The following ACSL1 variants were observed in gnomAD, a reference collection of about 807,000 sequenced individuals.
The protein encoded by ACSL1 is long-chain-fatty-acid--CoA ligase 1.
In ACSL1, 41 loss-of-function variants were observed where a neutral mutation model predicts 98.4. The ratio of observed to expected loss-of-function variants is 0.42; its 90% CI spans 0.32 to 0.54. ACSL1 has a LOEUF of 0.54. Among genes scored for constraint, ACSL1 ranks in the 20% least tolerant of loss-of-function variants. ACSL1 has a pLI of 0.13. For missense variants in ACSL1, 734 were observed against 883.1 expected (o/e 0.83, Z 2.14); for synonymous variants, 316 against 322.7 (o/e 0.98, Z 0.22).
upstream of ACSL1, chr4:184,826,006 TGGCGCCGCC>T (rs1314704112): frequency 1.4e-5 from 2 of 147,066 alleles, no homozygotes; most frequent in Non-Finnish European, 3.0e-5. Flanking sequence ...AAGGCGCCGC[TGGCGCCGCC>T]GCCTCGGCCC....
At chr4:184,806,942 T>C (rs1399174676) in intron 1 of ACSL1, among the ~76,000 whole-genome samples, 2 of 152,180 alleles carry the variant, frequency 1.3e-5, no homozygotes, top group Non-Finnish European at 2.9e-5. Context: ...ACTAAGACAA[T>C]AGCTCATTTA....
chr4:184,768,257 C>T, intron 12 of ACSL1, 59 bp downstream of exon 12: 1 of 1,555,228 alleles, frequency 6.4e-7, no homozygotes, highest in African/African-American at 1.4e-5. Context: ...CCAATTCAAG[C>T]CCAAGCCCCT....
At position 184,763,995 on chromosome 4, in the gene ACSL1, T is replaced by C. The variant is rs1763219272; in HGVS notation, c.1433-740A>G. ...CCATAAAGAAGATTCACAGACTGTC[T>C]GCGTTAATTCCAGGACAATGATGTT... On this transcript the variant is annotated intron_variant, in intron 15 of 20. Transcript: ENST00000281455. Among the ~76,000 whole-genome samples the C allele has an allele frequency of 2.0e-5, 3 of 152,230 alleles. No individual in the cohort carries two copies. The South Asian group carries it at 6.2e-4, about 32-fold the overall frequency.
chr4:184,825,597 C>T lies in ACSL1; in HGVS notation c.-33+319G>A, dbSNP rs1773414500. Among the ~76,000 whole-genome samples, 1 of 151,160 alleles carries T rather than the reference C, an allele frequency of 6.6e-6. No individual in the cohort carries two copies. Among genetic ancestry groups the T allele is most frequent in the African/African-American group, 2.4e-5 (1 of 41,340 alleles). On this transcript the variant is annotated intron_variant, in intron 1 of 20. Transcript: ENST00000281455. This position sits in a 1 kb window ranked among gnomAD's most constrained non-coding sequence, Gnocchi z 4.7. ...CCGGCTGCTTCGCCGGGCCGGTCCCCGCCGCCGCACACACAAGGGTCGGTC... is the reference window on the plus strand; with the variant it reads ...CCGGCTGCTTCGCCGGGCCGGTCCCTGCCGCCGCACACACAAGGGTCGGTC...
At chr4:184,801,753 T>C (rs1327747544) in intron 2 of ACSL1, among the ~76,000 whole-genome samples, 2 of 152,234 alleles carry the variant, frequency 1.3e-5, no homozygotes, top group African/African-American at 2.4e-5. Context: ...AGTAAAATTA[T>C]AGATTTTCAT....
rs756415532 is a variant in ACSL1 at position 184,765,984 on chromosome 4, C to A, written c.1266G>T (p.Ser422=). Residue 422 remains serine, a splice_region_variant and synonymous_variant, in exon 14 of 21, where the codon TCG becomes TCT. Coordinates refer to ENST00000281455, the MANE Select transcript of ACSL1 (RefSeq NM_001995.5). The stretch of plus-strand genomic sequence containing the variant: ...TCAGCCGGACTCTTCCGCCCAGGCT[C>A]GACTTTCAGGGAGGGAGAGTGGGAG... ...WDRLIFHKVQ[S]SLGGRVRLMV... 2 of 1,613,618 alleles carry A rather than the reference C, an allele frequency of 1.2e-6. No individual in the cohort carries two copies. Among genetic ancestry groups the A allele is most frequent in the South Asian group, 2.2e-5 (2 of 91,036 alleles).
chr4:184,762,795 G>A (rs1763038355), intron 16 of ACSL1, among the ~76,000 whole-genome samples: 1 of 152,214 alleles, frequency 6.6e-6, no homozygotes, highest in South Asian at 2.1e-4. Flanking sequence ...AGCCCCGCAG[G>A]GGATGAAATC....
Position 184,773,762 on chromosome 4 carries a change from A to G in ACSL1, c.790-48T>C, listed in dbSNP as rs1764859180. ...GCTGGTATAAATCAGAACAGAAAAGAGAACTATAAGCCACAAGGTACCAGG... is the reference window on the plus strand; with the variant it reads ...GCTGGTATAAATCAGAACAGAAAAGGGAACTATAAGCCACAAGGTACCAGG... On this transcript the variant is annotated intron_variant, in intron 8 of 20. Transcript: ENST00000281455. The surrounding 1 kb of genome is among the most constrained non-coding windows in gnomAD (Gnocchi z 4.3). 9 of 1,607,872 alleles carry G rather than the reference A, an allele frequency of 5.6e-6. No individual in the cohort carries two copies. Among genetic ancestry groups the G allele is most frequent in the Non-Finnish European group, 7.6e-6 (9 of 1,178,320 alleles).
chr4:184,757,178 G>A lies in ACSL1; in HGVS notation c.2044C>T (p.Arg682Trp), dbSNP rs534896186. The change falls in exon 21 of 21, where the codon CGG becomes TGG. Residue 682 changes from arginine to tryptophan, a missense_variant. Physicochemically the swap from Arg to Trp is moderately radical, Grantham distance 101. Coordinates refer to ENST00000281455, the MANE Select transcript of ACSL1 (RefSeq NM_001995.5). This position sits in a 1 kb window ranked among gnomAD's most constrained non-coding sequence, Gnocchi z 4.5. The stretch of plus-strand genomic sequence containing the variant: ...TCTATCTGCGACCTGAAATAGTTCC[G>A]CAGCTCTGGCCTTTTCGCCTTCATT... ...PTMKAKRPEL[R>W]NYFRSQIDDL... 22 of 1,609,314 alleles carry A rather than the reference G, an allele frequency of 1.4e-5. No homozygotes were observed. The highest frequency in any genetic ancestry group is 1.1e-4 in the African/African-American group (8 of 74,952).
In ACSL1 at chr4:184,756,857, T is replaced by C. The variant is rs966783303; in HGVS notation, c.*268A>G. ...TTAAACTGAGGAAGTCTCAAATAAC[T>C]TAGCACATTTATAGTATCCCCTTTA... On this transcript the variant is annotated 3_prime_UTR_variant, in exon 21 of 21. Coordinates refer to ENST00000281455, the MANE Select transcript of ACSL1 (RefSeq NM_001995.5). The C allele has an allele frequency of 6.8e-5, 21 of 307,938 alleles. No individual in the cohort carries two copies. Among genetic ancestry groups the C allele is most frequent in the Non-Finnish European group, 6.0e-6 (1 of 167,448 alleles). The allele number at this position is 307,938 out of a possible 1,614,324, so 19.1% of individuals were successfully genotyped here. A position where few individuals can be genotyped will look rare whatever the true frequency, so the allele number is the denominator to read the frequency against.
At chr4:184,818,133 C>T (rs1377477296) in intron 1 of ACSL1, among the ~76,000 whole-genome samples, 1 of 152,220 alleles carries the variant, frequency 6.6e-6, no homozygotes, top group African/African-American at 2.4e-5. Flanking sequence ...CGCCAGCTCC[C>T]CATCCTGGGA....
intron 2 of ACSL1, among the ~76,000 whole-genome samples, chr4:184,793,819 C>T (rs77795218): frequency 0.013 from 1,970 of 152,264 alleles, 59 homozygotes; most frequent in African/African-American, 0.046. Flanking sequence ...AAAAATGATT[C>T]CTTTTTGTTC....
In ACSL1 at chr4:184,759,306, G is replaced by T. The variant is rs374812631; in HGVS notation, c.1782+1051C>A. On this transcript the variant is annotated intron_variant, in intron 18 of 20. Transcript: ENST00000281455. Reference sequence around the variant, plus strand: ...GGGTCAAATGTCTAAAACATCAAAAGCAGTGGCAACAAAAGCCAAAATTGA... The same window carrying T: ...GGGTCAAATGTCTAAAACATCAAAATCAGTGGCAACAAAAGCCAAAATTGA... Among the ~76,000 whole-genome samples, 8 of 152,292 alleles carry T rather than the reference G, an allele frequency of 5.3e-5. No homozygotes were observed. In the East Asian group the frequency reaches 1.5e-3, roughly 29 times the overall value.
Position 184,803,563 on chromosome 4 carries a change from A to G in ACSL1, c.-32-17T>C. 7.1e-7 allele frequency: 1 copy of G among 1,410,762 alleles called. No individual in the cohort carries two copies. The highest frequency in any genetic ancestry group is 9.3e-7 in the Non-Finnish European group (1 of 1,072,382). 87.4% of individuals were successfully genotyped at this position (1,410,762 alleles called of 1,614,324 possible). On this transcript the variant is annotated splice_polypyrimidine_tract_variant and intron_variant, in intron 1 of 20. Transcript: ENST00000281455. The surrounding 1 kb of genome is among the most constrained non-coding windows in gnomAD (Gnocchi z 4.8). ...AGCTGAATTCTGTTGGGAGAGAAAAATGTCACGTTCGTTCCAGGGAAGCAG... is the reference window on the plus strand; with the variant it reads ...AGCTGAATTCTGTTGGGAGAGAAAAGTGTCACGTTCGTTCCAGGGAAGCAG...
chr4:184,826,362 C>T (rs947370896), upstream of ACSL1, among the ~76,000 whole-genome samples: 3 of 152,310 alleles, frequency 2.0e-5, no homozygotes, highest in Admixed American at 1.3e-4. Context: ...GGGCGGCGCC[C>T]TCCGGATCCT....
intron 7 of ACSL1, among the ~76,000 whole-genome samples, chr4:184,775,850 C>T (rs1213734909): frequency 2.6e-5 from 4 of 152,132 alleles, no homozygotes; most frequent in Admixed American, 6.5e-5. Context: ...GATCTTCCTC[C>T]GGCCATGTTC....
chr4:184,765,077 T>C (rs1763384279), intron 14 of ACSL1, 152 bp from the exon 15 acceptor site: 1 of 765,000 alleles, frequency 1.3e-6, no homozygotes, highest in South Asian at 1.9e-5. Flanking sequence ...CATTCAATGG[T>C]CCAGTGTGCT....
chr4:184,814,383 T>C (rs1275535616), intron 1 of ACSL1, among the ~76,000 whole-genome samples: 1 of 150,408 alleles, frequency 6.6e-6, no homozygotes, highest in South Asian at 2.1e-4. Context: ...TCCAAGACTA[T>C]GTAAGAGAAG....
intron 1 of ACSL1, among the ~76,000 whole-genome samples, chr4:184,816,686 A>G (rs1229846035): frequency 1.3e-5 from 2 of 152,144 alleles, no homozygotes; most frequent in African/African-American, 4.8e-5. Context: ...AGTAATGATC[A>G]ACGTTTTGCT....
Sources: gnomAD v4.1 joint callset for allele counts (sites outside exome capture counted in the v4.1 genomes callset) on GRCh38, gnomAD v4.1.1 for gene constraint, Gnocchi (gnomAD v3.1) non-coding constraint, MANE v1.5 for transcripts, NCBI Gene and HGNC (gene_info 2026-07-23, HGNC 2026-07-21) for gene names.